Variants in MED12L observed in about 807,000 individuals in gnomAD.
MED12L encodes mediator of RNA polymerase II transcription subunit 12-like protein.
A neutral mutation model predicts 281.3 loss-of-function variants in MED12L; 60 were observed. That is an observed-to-expected ratio of 0.21 (90% CI 0.17 to 0.26). MED12L has a LOEUF of 0.26. Ranked by LOEUF, MED12L falls within the 10% of genes least tolerant of loss-of-function variation. The pLI is 1.00. For missense variants in MED12L, 2,146 were observed against 2,680.9 expected (o/e 0.80, Z 4.41); for synonymous variants, 974 against 987.2 (o/e 0.99, Z 0.25).
In MED12L at chr3:151,085,688, C is replaced by T. The variant is rs1719048178; in HGVS notation, c.-378C>T. ...CATGCTCAGTGCGGACGCCGCGCCG[C>T]CGTCCGCCAACTCGGAAGCTCGCGC... On this transcript the variant is annotated 5_prime_UTR_variant, in exon 1 of 45. Transcript: ENST00000687756. The T allele has an allele frequency of 1.3e-5, 2 of 152,122 alleles. No homozygotes were observed. Among genetic ancestry groups the T allele is most frequent in the South Asian group, 2.1e-4 (1 of 4,826 alleles). The allele number at this position is 152,122 out of a possible 1,614,324, so 9.4% of individuals were successfully genotyped here.
At chr3:151,324,354 G>T (rs563378198) in intron 16 of MED12L, among the ~76,000 whole-genome samples, 1 of 152,134 alleles carries the variant, frequency 6.6e-6, no homozygotes, top group East Asian at 1.9e-4. Flanking sequence ...CAGCATCTGG[G>T]CTGGTTACTA....
intron 16 of MED12L, among the ~76,000 whole-genome samples, chr3:151,295,827 A>G (rs1163501565): frequency 1.3e-5 from 2 of 152,216 alleles, no homozygotes; most frequent in East Asian, 1.9e-4. Context: ...AAGAAAATCT[A>G]CTGTCTTCTA....
chr3:151,369,516 G>C lies in MED12L; in HGVS notation c.3631G>C (p.Val1211Leu). ...TCACAACAGCATTGAAGTGGGAGCC[G>C]TGTTTGCTGTCTTAAAAGCAATTAT... is the stretch of plus-strand genomic sequence containing the variant. ...AAHNSIEVGAVFAVLKAIMML... is the reference protein window; with the variant it reads ...AAHNSIEVGALFAVLKAIMML... The change falls in exon 26 of 45, where the codon GTG (valine) becomes CTG (leucine). Residue 1211 changes from valine to leucine, a missense_variant. By Grantham distance (32) the Val-to-Leu change is conservative. Coordinates refer to ENST00000687756, the MANE Select transcript of MED12L (RefSeq NM_001393769.1). 6.2e-7 allele frequency: 1 copy of C among 1,611,170 alleles called. No individual in the cohort carries two copies.
intron 16 of MED12L, among the ~76,000 whole-genome samples, chr3:151,217,201 T>G (rs1038687895): frequency 5.9e-5 from 9 of 152,240 alleles, no homozygotes; most frequent in African/African-American, 2.2e-4. Context: ...TAGAAGCCAC[T>G]ATTTATAGAA....
intron 36 of MED12L, among the ~76,000 whole-genome samples, chr3:151,387,088 G>A (rs1044354163): frequency 9.2e-5 from 14 of 152,180 alleles, no homozygotes; most frequent in African/African-American, 3.1e-4. Flanking sequence ...CTTAGGGAAT[G>A]ACTGAGTAGT....
chr3:151,395,882 G>A (rs143075966), intron 39 of MED12L, among the ~76,000 whole-genome samples: 5 of 152,304 alleles, frequency 3.3e-5, no homozygotes, highest in South Asian at 2.1e-4. Context: ...GCATATCTCC[G>A]TTGTGTAATT....
At chr3:151,218,794 G>T (rs1337232486) in intron 16 of MED12L, among the ~76,000 whole-genome samples, 1 of 146,302 alleles carries the variant, frequency 6.8e-6, no homozygotes, top group Non-Finnish European at 1.5e-5. Flanking sequence ...TTGAACCTGG[G>T]AGGCGGAGGT....
intron 16 of MED12L, chr3:151,317,014 A>G (rs1748344866): frequency 6.6e-6 from 1 of 152,136 alleles, no homozygotes; most frequent in East Asian, 1.9e-4. Flanking sequence ...GTTGGGGCCT[A>G]CTAACTCATC....
At chr3:151,198,263 G>A in intron 16 of MED12L, 1 of 540,268 alleles carries the variant, frequency 1.9e-6, no homozygotes. Context: ...AGCTTGACTT[G>A]CATTTAGAAA....
intron 16 of MED12L, chr3:151,300,348 C>T (rs770792586): frequency 2.3e-5 from 13 of 575,114 alleles, no homozygotes; most frequent in Non-Finnish European, 4.0e-5. Flanking sequence ...CAGAGTTGCC[C>T]TCTTTCATAA....
intron 16 of MED12L, among the ~76,000 whole-genome samples, chr3:151,321,387 C>G (rs773927415): frequency 1.3e-5 from 2 of 152,052 alleles, no homozygotes; most frequent in Non-Finnish European, 2.9e-5. Flanking sequence ...TTCATTCATT[C>G]ACAGTTTGGG....
chr3:151,301,541 T>G (rs1745925871), intron 16 of MED12L, among the ~76,000 whole-genome samples: 1 of 152,202 alleles, frequency 6.6e-6, no homozygotes, highest in Non-Finnish European at 1.5e-5. Flanking sequence ...GGATTTCTAT[T>G]TAGACTATGC....
At chr3:151,294,560 A>G in intron 16 of MED12L, 1 of 1,614,172 alleles carries the variant, frequency 6.2e-7, no homozygotes, top group Non-Finnish European at 8.5e-7. Context: ...GTACCTGGAT[A>G]TGGCTATGTA....
intron 28 of MED12L, among the ~76,000 whole-genome samples, chr3:151,376,487 A>G (rs1461744125): frequency 6.6e-6 from 1 of 152,208 alleles, no homozygotes; most frequent in Non-Finnish European, 1.5e-5. Context: ...TAAATATATT[A>G]TTAAAGAAAT....
chr3:151,352,143 G>A (rs1753313489), intron 17 of MED12L, among the ~76,000 whole-genome samples: 1 of 152,144 alleles, frequency 6.6e-6, no homozygotes, highest in African/African-American at 2.4e-5. Context: ...TACCCTGAAG[G>A]TAATTTTATT....
chr3:151,124,983 G>T (rs76098766), intron 4 of MED12L, among the ~76,000 whole-genome samples: 3,111 of 152,010 alleles, frequency 0.02, 103 homozygotes, highest in East Asian at 0.17. Flanking sequence ...CAAGGAGAAA[G>T]GTGATAGGAC....
intron 16 of MED12L, among the ~76,000 whole-genome samples, chr3:151,266,882 T>C (rs1739936492): frequency 2.0e-5 from 3 of 152,224 alleles, no homozygotes; most frequent in Admixed American, 2.0e-4. Context: ...CAGCATGTTG[T>C]AGGAGTCTGT....
chr3:151,141,187 G>GTTTTTTTGTTTTTT (rs376743895), intron 5 of MED12L, among the ~76,000 whole-genome samples: 10,056 of 97,500 alleles, frequency 0.1, 758 homozygotes, highest in East Asian at 0.19. Context: ...TGTTTTTTTT[G>GTTTTTTTGTTTTTT]TTTTTTTTTT....
intron 16 of MED12L, among the ~76,000 whole-genome samples, chr3:151,258,856 A>G (rs995134106): frequency 1.3e-5 from 2 of 150,536 alleles, no homozygotes; most frequent in African/African-American, 4.9e-5. Flanking sequence ...TGTCTCAAAA[A>G]AAAAAAAAAA....
Sources: allele counts gnomAD v4.1 joint callset (sites outside exome capture counted in the v4.1 genomes callset), GRCh38; gene constraint gnomAD v4.1.1; transcripts MANE v1.5; gene names NCBI Gene and HGNC (gene_info 2026-07-23, HGNC 2026-07-21).